Variants in CDH12 observed in about 807,000 individuals in gnomAD.
CDH12 encodes the protein cadherin 12.
A neutral mutation model predicts 74.1 loss-of-function variants in CDH12; 41 were observed. The ratio of observed to expected loss-of-function variants is 0.55; its 90% confidence interval spans 0.43 to 0.72. The LOEUF (loss-of-function observed/expected upper bound fraction) is 0.72. Ranked by LOEUF, CDH12 falls within the 30% of genes least tolerant of loss-of-function variation. The pLI is 0.00. For synonymous variants in CDH12, 399 were observed against 355.0 expected, an observed-to-expected ratio of 1.12 and a Z score of -1.39; for missense variants, 945 against 977.2, an observed-to-expected ratio of 0.97 and a Z score of 0.44.
chr5:22,372,935 C>T (rs1188231460), intron 3 of CDH12, among the ~76,000 whole-genome samples: 1 of 152,178 alleles, frequency 6.6e-6, no homozygotes, highest in Non-Finnish European at 1.5e-5. Context: ...AAACCACCAG[C>T]TCCACAGCTG....
intron 1 of CDH12, among the ~76,000 whole-genome samples, chr5:22,810,479 A>T (rs1354770550): frequency 6.6e-6 from 1 of 152,176 alleles, no homozygotes; most frequent in Non-Finnish European, 1.5e-5. Context: ...AGTGAACATT[A>T]AAGTTGAAAC....
intron 5 of CDH12, among the ~76,000 whole-genome samples, chr5:22,007,740 G>A (rs1185411361): frequency 6.6e-6 from 1 of 152,176 alleles, no homozygotes; most frequent in Admixed American, 6.5e-5. Context: ...AGAAGATGGT[G>A]AAGTTAGAAA....
chr5:22,126,000 T>TGG lies in CDH12; in HGVS notation c.-186-47140_-186-47139dup, dbSNP rs70957092. Among the ~76,000 whole-genome samples, 335 of 131,206 alleles carry TGG rather than the reference T, an allele frequency of 2.6e-3. 3 individuals are homozygous for TGG. Among genetic ancestry groups the TGG allele is most frequent in the East Asian group, 5.3e-3 (24 of 4,530 alleles). The allele number at this position is 131,206 out of a possible 152,430, so 86.1% of individuals were successfully genotyped here. Reference sequence around the variant, plus strand: ...AATCTATTGTGTATTTCATTCATTTTGGGGGGGGGACAAATTCTACAAACT... The same window carrying TGG: ...AATCTATTGTGTATTTCATTCATTTTGGGGGGGGGGGACAAATTCTACAAACT... On this transcript the variant is annotated intron_variant, in intron 4 of 14. Transcript: ENST00000382254.
chr5:22,240,939 T>G (rs1752729539), intron 3 of CDH12, among the ~76,000 whole-genome samples: 1 of 151,158 alleles, frequency 6.6e-6, no homozygotes, highest in Admixed American at 6.6e-5. Context: ...AAAAGTAAAG[T>G]ACAGAGGAAG....
chr5:21,752,255 T>C lies in CDH12; in HGVS notation c.1886-19A>G. 1 of 1,560,068 alleles carries C rather than the reference T, an allele frequency of 6.4e-7. No homozygotes were observed. The highest frequency in any genetic ancestry group is 8.7e-7 in the Non-Finnish European group (1 of 1,154,386). On this transcript the variant is annotated intron_variant, in intron 14 of 14. Transcript: ENST00000382254. The stretch of plus-strand genomic sequence containing the variant: ...ACTATGGCTGGAACAAGACAAAAAT[T>C]GCAATTTGAGAATAGAAAGCAGATA...
chr5:22,606,763 C>CA (rs1427965894), intron 1 of CDH12, among the ~76,000 whole-genome samples: 1 of 151,986 alleles, frequency 6.6e-6, no homozygotes, highest in African/African-American at 2.4e-5. Context: ...TAAAGATACC[C>CA]AAAAATATGG....
In CDH12 at chr5:22,703,490, C is replaced by A. The variant is rs528688202; in HGVS notation, c.-523+149568G>T. Among the ~76,000 whole-genome samples the A allele has an allele frequency of 3.0e-4, 45 of 152,194 alleles. No individual in the cohort carries two copies. In the South Asian group the frequency reaches 8.9e-3, roughly 30 times the overall value. On this transcript the variant is annotated intron_variant, in intron 1 of 14. Transcript: ENST00000382254. ...TTTTTTAAAACAGCATTTTAAGATG[C>A]TTAGCACCTTTTTCCCCCAAAATGA...
At chr5:22,733,292 T>C (rs1161566458) in intron 1 of CDH12, among the ~76,000 whole-genome samples, 1 of 151,956 alleles carries the variant, frequency 6.6e-6, no homozygotes, top group Non-Finnish European at 1.5e-5. Context: ...TAAAATGTGG[T>C]ATGACTTTCT....
At chr5:22,587,582 T>A (rs1740466462) in intron 1 of CDH12, among the ~76,000 whole-genome samples, 1 of 152,142 alleles carries the variant, frequency 6.6e-6, no homozygotes, top group Admixed American at 6.5e-5. Flanking sequence ...ATTTGCCTCA[T>A]TAGACCAAGT....
intron 3 of CDH12, among the ~76,000 whole-genome samples, chr5:22,359,182 C>A (rs1222258443): frequency 1.3e-5 from 2 of 152,090 alleles, no homozygotes; most frequent in African/African-American, 2.4e-5. Flanking sequence ...ATTCAGGAAA[C>A]CCATTTCATG....
intron 3 of CDH12, among the ~76,000 whole-genome samples, chr5:22,328,379 T>C (rs1349098629): frequency 6.6e-6 from 1 of 152,194 alleles, no homozygotes; most frequent in African/African-American, 2.4e-5. Context: ...TGAAATTTGT[T>C]TATTTGTTCA....
chr5:22,647,374 A>G (rs188783138), intron 1 of CDH12, among the ~76,000 whole-genome samples: 14 of 151,894 alleles, frequency 9.2e-5, no homozygotes, highest in African/African-American at 3.4e-4. Flanking sequence ...TATTCTCTAT[A>G]TATTATAATT....
chr5:22,618,828 A>C (rs958865148), intron 1 of CDH12, among the ~76,000 whole-genome samples: 8 of 151,874 alleles, frequency 5.3e-5, no homozygotes, highest in Admixed American at 5.3e-4. Context: ...GGGGGTGGGT[A>C]TTTCCATGCT....
chr5:21,912,291 C>G (rs1320959314), intron 6 of CDH12, among the ~76,000 whole-genome samples: 2 of 151,252 alleles, frequency 1.3e-5, no homozygotes, highest in African/African-American at 4.9e-5. Flanking sequence ...TGGAAATGGA[C>G]TGGAAAATTG....
chr5:22,665,851 C>G (rs1161767796), intron 1 of CDH12, among the ~76,000 whole-genome samples: 1 of 152,112 alleles, frequency 6.6e-6, no homozygotes, highest in African/African-American at 2.4e-5. Context: ...GTCTTCACTC[C>G]TTTTTCTTCT....
intron 3 of CDH12, among the ~76,000 whole-genome samples, chr5:22,364,928 A>G (rs1740967250): frequency 6.6e-6 from 1 of 152,144 alleles, no homozygotes; most frequent in Non-Finnish European, 1.5e-5. Context: ...AAATGTAAAG[A>G]CTCATCAAAG....
At chr5:22,334,792 T>C (rs188893234) in intron 3 of CDH12, among the ~76,000 whole-genome samples, 59 of 152,242 alleles carry the variant, frequency 3.9e-4, no homozygotes, top group African/African-American at 1.4e-3. Context: ...AAACTGGATA[T>C]CCATATGCTG....
At chr5:22,242,018 C>A (rs1279667126) in intron 3 of CDH12, among the ~76,000 whole-genome samples, 2 of 151,994 alleles carry the variant, frequency 1.3e-5, no homozygotes, top group Non-Finnish European at 2.9e-5. Flanking sequence ...GCCAATATTT[C>A]TTTATTTGTT....
At chr5:22,161,461 C>T (rs565410909) in intron 4 of CDH12, among the ~76,000 whole-genome samples, 9 of 152,144 alleles carry the variant, frequency 5.9e-5, no homozygotes, top group African/African-American at 1.9e-4. Flanking sequence ...ACTTTGGAGG[C>T]TGTAATGGGA....
Sources: gnomAD v4.1 joint callset for allele counts (sites outside exome capture counted in the v4.1 genomes callset) on GRCh38, gnomAD v4.1.1 for gene constraint, MANE v1.5 for transcripts, NCBI Gene and HGNC (gene_info 2026-07-23, HGNC 2026-07-21) for gene names.